The following NPAS3 variants were observed in gnomAD, a reference collection of about 807,000 sequenced individuals.
NPAS3 encodes neuronal PAS domain-containing protein 3.
A neutral mutation model predicts 73.1 loss-of-function variants in NPAS3; 14 were observed. The observed-to-expected ratio is 0.19, with a 90% CI of 0.13 to 0.30. NPAS3 has a LOEUF of 0.30. Ranked by LOEUF, NPAS3 falls within the 10% of genes least tolerant of loss-of-function variation. The probability of loss-of-function intolerance (pLI) is 1.00; values close to 1 mark genes in which losing one functional copy is unlikely to be tolerated. For missense variants in NPAS3, 1,096 were observed against 1,250.0 expected (o/e 0.88, Z 1.86); for synonymous variants, 620 against 541.5 (o/e 1.14, Z -2.01).
At chr14:33,557,264 T>G (rs1005693762) in intron 4 of NPAS3, among the ~76,000 whole-genome samples, 1 of 152,166 alleles carries the variant, frequency 6.6e-6, no homozygotes, top group African/African-American at 2.4e-5. Flanking sequence ...CCCAGTTCCC[T>G]TAGACAGTAT....
chr14:33,345,131 C>T (rs1226975953), intron 3 of NPAS3, among the ~76,000 whole-genome samples: 1 of 152,130 alleles, frequency 6.6e-6, no homozygotes, highest in African/African-American at 2.4e-5. Flanking sequence ...CAGAATATTT[C>T]CATTTTTCCA....
intron 5 of NPAS3, among the ~76,000 whole-genome samples, chr14:33,606,757 A>T (rs1418280164): frequency 6.6e-6 from 1 of 152,234 alleles, no homozygotes; most frequent in Non-Finnish European, 1.5e-5. Context: ...ACCACATTGA[A>T]GTTTAAAACT....
intron 1 of NPAS3, among the ~76,000 whole-genome samples, chr14:32,966,556 G>A (rs1733019237): frequency 6.6e-6 from 1 of 152,090 alleles, no homozygotes; most frequent in African/African-American, 2.4e-5. Flanking sequence ...AACTCAAAAT[G>A]GATTAAAGAC....
rs151035529 is a variant in NPAS3, at chr14:33,664,950, G to A, written c.559-11261G>A. Among the ~76,000 whole-genome samples, 983 of 152,298 alleles carry A rather than the reference G, an allele frequency of 6.5e-3. 6 individuals carry two copies. The highest frequency in any genetic ancestry group is 0.022 in the African/African-American group (917 of 41,560). ...CAACCATTGTGGAAGACAGTGTGGCGATTCCTCAAGGATCTAGAACCAGAA... is the reference window on the plus strand; with the variant it reads ...CAACCATTGTGGAAGACAGTGTGGCAATTCCTCAAGGATCTAGAACCAGAA... On this transcript the variant is annotated intron_variant, in intron 5 of 11. Coordinates refer to ENST00000356141, the Ensembl canonical transcript of NPAS3.
chr14:33,052,353 C>T (rs76789343), intron 1 of NPAS3, among the ~76,000 whole-genome samples: 128 of 152,248 alleles, frequency 8.4e-4, no homozygotes, highest in African/African-American at 2.5e-3. Context: ...CCTACCACCC[C>T]CAAAAACTAC....
At chr14:33,003,383 C>G (rs901921747) in intron 1 of NPAS3, among the ~76,000 whole-genome samples, 5 of 152,116 alleles carry the variant, frequency 3.3e-5, no homozygotes, top group Admixed American at 1.3e-4. Flanking sequence ...AACTGCACAA[C>G]TAAATGCATG....
chr14:33,561,099 T>C (rs1040096037), intron 5 of NPAS3, among the ~76,000 whole-genome samples: 2 of 152,186 alleles, frequency 1.3e-5, no homozygotes, highest in African/African-American at 4.8e-5. Context: ...GTGTGTGTGA[T>C]AATCTGCCAA....
At chr14:33,729,273 A>G (rs965112006) in intron 6 of NPAS3, among the ~76,000 whole-genome samples, 41 of 152,328 alleles carry the variant, frequency 2.7e-4, no homozygotes, top group African/African-American at 9.4e-4. Context: ...TCAACCAGTT[A>G]TGGACACGCT....
At chr14:33,522,119 C>T (rs572772563) in intron 4 of NPAS3, among the ~76,000 whole-genome samples, 2 of 152,264 alleles carry the variant, frequency 1.3e-5, no homozygotes, top group East Asian at 3.9e-4. Flanking sequence ...AGTGTTTGCT[C>T]TGAATTAAGT....
At chr14:33,680,877 AATTTTCAGGC>A in intron 6 of NPAS3, 1 of 502,500 alleles carries the variant, frequency 2.0e-6, no homozygotes, top group Non-Finnish European at 3.5e-6. Flanking sequence ...GTTTTGTCTA[AATTTTCAGGC>A]AAAATCTAGC....
At chr14:33,799,511 C>T (rs2063616570) in intron 11 of NPAS3, among the ~76,000 whole-genome samples, 2 of 152,148 alleles carry the variant, frequency 1.3e-5, no homozygotes, top group Admixed American at 1.3e-4. Flanking sequence ...TGCTGCTGGC[C>T]CGCACTTTGA....
chr14:32,950,486 T>C (rs1179960765), intron 1 of NPAS3, among the ~76,000 whole-genome samples: 23 of 152,082 alleles, frequency 1.5e-4, no homozygotes, highest in Admixed American at 1.5e-3. Context: ...CATATATTAT[T>C]GCTGTTAGGA....
chr14:33,685,254 G>A (rs1437477204), intron 6 of NPAS3, among the ~76,000 whole-genome samples: 1 of 152,146 alleles, frequency 6.6e-6, no homozygotes, highest in Non-Finnish European at 1.5e-5. Context: ...AGGACACTAT[G>A]GTGCGTAAGT....
chr14:33,670,213 T>C (rs181205198), intron 5 of NPAS3, among the ~76,000 whole-genome samples: 1 of 152,316 alleles, frequency 6.6e-6, no homozygotes, highest in East Asian at 1.9e-4. Context: ...TAGCTAAAAT[T>C]CTTCTAAGGG....
intron 2 of NPAS3, among the ~76,000 whole-genome samples, chr14:33,193,571 A>G (rs1216307236): frequency 1.3e-5 from 2 of 152,190 alleles, no homozygotes; most frequent in Admixed American, 6.5e-5. Flanking sequence ...ACATTTTACA[A>G]TTCTATCTGA....
At chr14:33,130,713 TTC>T (rs1451381082) in intron 2 of NPAS3, among the ~76,000 whole-genome samples, 1 of 152,196 alleles carries the variant, frequency 6.6e-6, no homozygotes, top group Non-Finnish European at 1.5e-5. Flanking sequence ...AGAAAAAAGT[TTC>T]TGAGTTGATG....
chr14:33,570,560 G>T (rs1182626341), intron 5 of NPAS3, among the ~76,000 whole-genome samples: 3 of 152,040 alleles, frequency 2.0e-5, no homozygotes, highest in Non-Finnish European at 1.5e-5. Flanking sequence ...GACGTTGCCG[G>T]GTTTGCAAAG....
At chr14:33,130,464 A>G (rs1347756886) in intron 2 of NPAS3, among the ~76,000 whole-genome samples, 1 of 152,214 alleles carries the variant, frequency 6.6e-6, no homozygotes, top group Non-Finnish European at 1.5e-5. Flanking sequence ...ATGTGATTGC[A>G]TAAATTAAGT....
chr14:33,280,644 G>A (rs1211634279), intron 3 of NPAS3, among the ~76,000 whole-genome samples: 1 of 152,148 alleles, frequency 6.6e-6, no homozygotes, highest in Non-Finnish European at 1.5e-5. Context: ...TGTTAAGGAA[G>A]TACAAAGGGT....
Sources: gnomAD v4.1 joint callset for allele counts (sites outside exome capture counted in the v4.1 genomes callset) on GRCh38, gnomAD v4.1.1 for gene constraint, MANE v1.5 for transcripts, NCBI Gene and HGNC (gene_info 2026-07-23, HGNC 2026-07-21) for gene names.